Variants in CEP112 observed in about 807,000 individuals in gnomAD.
CEP112 encodes centrosomal protein 112, also known as centrosomal protein of 112 kDa.
CEP112 carries 127 observed loss-of-function variants against 153.0 expected under a neutral mutation model. The ratio of observed to expected loss-of-function variants is 0.83; its 90% CI spans 0.72 to 0.96. The LOEUF (loss-of-function observed/expected upper bound fraction) is 0.96, where lower values mean the gene tolerates loss of function less well. Among genes scored for constraint, CEP112 ranks in the 40% least tolerant of loss-of-function variants. CEP112 has a pLI of 0.00. For synonymous variants in CEP112, 358 were observed against 374.4 expected (o/e 0.96, Z 0.51); for missense variants, 1,089 against 1,101.2 (o/e 0.99, Z 0.16).
At chr17:65,781,593 G>C (rs1895035) in intron 21 of CEP112, among the ~76,000 whole-genome samples, 1 of 151,768 alleles carries the variant, frequency 6.6e-6, no homozygotes, top group Admixed American at 6.6e-5. Context: ...ACATTACCTG[G>C]CTTCAAACTA....
chr17:65,756,431 A>G (rs1211109071), intron 21 of CEP112, among the ~76,000 whole-genome samples: 1 of 151,246 alleles, frequency 6.6e-6, no homozygotes, highest in African/African-American at 2.4e-5. Context: ...AAAAAAAAAA[A>G]AAGAAATCAG....
chr17:65,901,829 G>T (rs1269429840), intron 20 of CEP112, among the ~76,000 whole-genome samples: 1 of 151,832 alleles, frequency 6.6e-6, no homozygotes, highest in Non-Finnish European at 1.5e-5. Flanking sequence ...TGCTAAGGCT[G>T]AAGGGAGGGG....
intron 17 of CEP112, among the ~76,000 whole-genome samples, chr17:65,991,167 T>G (rs999922499): frequency 1.3e-5 from 2 of 152,230 alleles, no homozygotes; most frequent in African/African-American, 4.8e-5. Context: ...AAGAATAAAC[T>G]TTTTAAATAA....
At chr17:65,855,394 C>T (rs1185882259) in intron 20 of CEP112, among the ~76,000 whole-genome samples, 1 of 152,138 alleles carries the variant, frequency 6.6e-6, no homozygotes, top group African/African-American at 2.4e-5. Context: ...CTGGGTATTC[C>T]CCCTTCCAAA....
intron 6 of CEP112, among the ~76,000 whole-genome samples, chr17:66,097,109 A>C (rs1049340932): frequency 6.6e-6 from 1 of 152,206 alleles, no homozygotes; most frequent in African/African-American, 2.4e-5. Flanking sequence ...AATAGCAAAG[A>C]GAACACAAAA....
intron 16 of CEP112, among the ~76,000 whole-genome samples, chr17:66,007,918 C>T (rs992466625): frequency 4.6e-5 from 7 of 152,094 alleles, no homozygotes; most frequent in Non-Finnish European, 1.0e-4. Flanking sequence ...TTATTGCTAG[C>T]ACTAAAATAC....
At chr17:65,910,720 A>G (rs1223667813) in intron 19 of CEP112, among the ~76,000 whole-genome samples, 1 of 152,190 alleles carries the variant, frequency 6.6e-6, no homozygotes, top group Non-Finnish European at 1.5e-5. Flanking sequence ...AGACAAAGAG[A>G]AGCTAAAGTA....
intron 19 of CEP112, among the ~76,000 whole-genome samples, chr17:65,910,247 C>T (rs2060235799): frequency 6.6e-6 from 1 of 152,104 alleles, no homozygotes; most frequent in Non-Finnish European, 1.5e-5. Context: ...CAATGAAATA[C>T]CTGTGCCTTC....
chr17:66,051,614 A>G (rs1395235968), intron 12 of CEP112, among the ~76,000 whole-genome samples: 1 of 152,042 alleles, frequency 6.6e-6, no homozygotes, highest in Non-Finnish European at 1.5e-5. Flanking sequence ...TTTCTTTTTC[A>G]ATGTGAGGTA....
At chr17:65,961,767 G>A (rs2062212698) in intron 17 of CEP112, among the ~76,000 whole-genome samples, 169 bp from the exon 18 acceptor site, 1 of 152,054 alleles carries the variant, frequency 6.6e-6, no homozygotes, top group Admixed American at 6.5e-5. Flanking sequence ...TGTCTCAAGA[G>A]AAAAAGGGTA....
At chr17:65,806,716 C>T (rs928965421) in intron 21 of CEP112, among the ~76,000 whole-genome samples, 2 of 152,226 alleles carry the variant, frequency 1.3e-5, no homozygotes, top group Non-Finnish European at 2.9e-5. Flanking sequence ...ATGTGTCTTG[C>T]TTCCCCTTCA....
At chr17:66,025,164 A>T (rs2065150428) in intron 16 of CEP112, among the ~76,000 whole-genome samples, 1 of 152,190 alleles carries the variant, frequency 6.6e-6, no homozygotes. Flanking sequence ...TAAATGTAGG[A>T]CTTGAAACCC....
intron 17 of CEP112, among the ~76,000 whole-genome samples, chr17:65,970,893 CTG>C (rs1243300622): frequency 3.3e-5 from 2 of 60,000 alleles, no homozygotes; most frequent in Non-Finnish European, 7.0e-5. Context: ...CATATCACAT[CTG>C]TGTGCATTGC....
intron 8 of CEP112, among the ~76,000 whole-genome samples, chr17:66,073,188 C>A (rs11869865): frequency 0.41 from 62,314 of 151,962 alleles, 14,108 homozygotes; most frequent in East Asian, 0.87. Context: ...CACTGTTAAC[C>A]ATAAAATGGG....
At chr17:65,970,150 G>C (rs1045022826) in intron 17 of CEP112, among the ~76,000 whole-genome samples, 8 of 152,140 alleles carry the variant, frequency 5.3e-5, no homozygotes, top group Non-Finnish European at 1.0e-4. Context: ...TATTTTGCAT[G>C]TGTATAGCAA....
intron 20 of CEP112, among the ~76,000 whole-genome samples, chr17:65,898,600 G>A (rs931568378): frequency 3.9e-5 from 6 of 152,150 alleles, no homozygotes; most frequent in African/African-American, 1.2e-4. Context: ...GATGCTCAGT[G>A]TAGGGAATTA....
At chr17:66,044,960 A>T (rs1422009885) in intron 12 of CEP112, among the ~76,000 whole-genome samples, 1 of 152,210 alleles carries the variant, frequency 6.6e-6, no homozygotes, top group African/African-American at 2.4e-5. Context: ...GAATAACTCA[A>T]TTTAAAAATA....
intron 17 of CEP112, among the ~76,000 whole-genome samples, chr17:66,003,328 T>C (rs984851252): frequency 6.6e-6 from 1 of 152,184 alleles, no homozygotes; most frequent in African/African-American, 2.4e-5. Flanking sequence ...ATGTTATATA[T>C]AGAAAACTGC....
intron 21 of CEP112, among the ~76,000 whole-genome samples, chr17:65,772,810 C>T (rs1164023982): frequency 6.6e-6 from 1 of 151,976 alleles, no homozygotes; most frequent in African/African-American, 2.4e-5. Flanking sequence ...AAGAGATCTG[C>T]ACAGGGTGTT....
Sources: allele counts gnomAD v4.1 joint callset (sites outside exome capture counted in the v4.1 genomes callset), GRCh38; gene constraint gnomAD v4.1.1; transcripts MANE v1.5; gene names NCBI Gene and HGNC (gene_info 2026-07-23, HGNC 2026-07-21).